Variants in ASIC2 observed in about 807,000 individuals in gnomAD.
ASIC2 encodes acid-sensing ion channel 2.
ASIC2 carries 25 observed loss-of-function variants against 57.3 expected under a neutral mutation model. The ratio of observed to expected loss-of-function variants is 0.44; its 90% CI spans 0.32 to 0.61. ASIC2 has a LOEUF of 0.61. Among genes scored for constraint, ASIC2 ranks in the 20% least tolerant of loss-of-function variants. The pLI, the probability that ASIC2 is intolerant of heterozygous loss-of-function variation, is 0.06. For synonymous variants in ASIC2, 319 were observed against 307.5 expected (o/e 1.04, Z -0.39); for missense variants, 641 against 738.1 (o/e 0.87, Z 1.52).
chr17:33,661,179 C>T (rs1207684833), intron 1 of ASIC2, among the ~76,000 whole-genome samples: 1 of 152,178 alleles, frequency 6.6e-6, no homozygotes. Context: ...TGGTGCTGAG[C>T]CACATTTAGC....
At chr17:33,864,201 C>G (rs2141926038) in intron 1 of ASIC2, among the ~76,000 whole-genome samples, 1 of 152,324 alleles carries the variant, frequency 6.6e-6, no homozygotes. Flanking sequence ...GCCACCCCGC[C>G]TGGCCAGTTA....
Position 33,055,778 on chromosome 17 carries a change from T to G in ASIC2, c.988-27386A>C, listed in dbSNP as rs151167313. ...TGAGCCTTTCTGCCCTTGGCCTCTC[T>G]TCACGGGAATCATAAGAAAAGCGAC... is the stretch of plus-strand genomic sequence containing the variant. On this transcript the variant is annotated intron_variant, in intron 3 of 9. Coordinates refer to ENST00000225823, the MANE Select transcript of ASIC2 (RefSeq NM_183377.2). Among the ~76,000 whole-genome samples the G allele has an allele frequency of 1.5e-3, 232 of 152,294 alleles. 2 individuals carry two copies. Among genetic ancestry groups the G allele is most frequent in the African/African-American group, 5.3e-3 (222 of 41,560 alleles).
chr17:33,418,696 T>G (rs1025672017), intron 1 of ASIC2, among the ~76,000 whole-genome samples: 1 of 152,198 alleles, frequency 6.6e-6, no homozygotes, highest in African/African-American at 2.4e-5. Context: ...TAGTTATTTC[T>G]GAGGCCTCTG....
intron 1 of ASIC2, among the ~76,000 whole-genome samples, chr17:33,559,593 C>T: frequency 6.6e-6 from 1 of 152,142 alleles, no homozygotes; most frequent in Admixed American, 6.5e-5. Flanking sequence ...TAGCATAGTG[C>T]CAGTGTCTCC....
At chr17:33,417,204 G>A (rs1910875652) in intron 1 of ASIC2, among the ~76,000 whole-genome samples, 1 of 152,130 alleles carries the variant, frequency 6.6e-6, no homozygotes, top group Non-Finnish European at 1.5e-5. Flanking sequence ...TCTTAGGCAG[G>A]AAGGGACATT....
At chr17:34,103,556 T>A (rs911400797) in intron 1 of ASIC2, among the ~76,000 whole-genome samples, 1 of 152,224 alleles carries the variant, frequency 6.6e-6, no homozygotes, top group Non-Finnish European at 1.5e-5. Flanking sequence ...TAAACATATT[T>A]CCCTGTTTTT....
intron 1 of ASIC2, among the ~76,000 whole-genome samples, chr17:33,762,070 G>A (rs935138312): frequency 6.6e-6 from 1 of 152,110 alleles, no homozygotes; most frequent in African/African-American, 2.4e-5. Flanking sequence ...AGAAATGAGT[G>A]GGCCATTTGA....
At chr17:33,490,233 G>T (rs956719328) in intron 1 of ASIC2, among the ~76,000 whole-genome samples, 2 of 152,144 alleles carry the variant, frequency 1.3e-5, no homozygotes, top group African/African-American at 4.8e-5. Context: ...TTTACTATCT[G>T]GCTCATTACT....
intron 1 of ASIC2, among the ~76,000 whole-genome samples, chr17:33,408,259 T>C (rs1910536017): frequency 6.6e-6 from 1 of 152,210 alleles, no homozygotes; most frequent in Non-Finnish European, 1.5e-5. Flanking sequence ...CCTTTTCTGT[T>C]CTGATTTTCA....
intron 1 of ASIC2, among the ~76,000 whole-genome samples, chr17:33,586,730 T>G (rs981508216): frequency 6.6e-6 from 1 of 152,226 alleles, no homozygotes; most frequent in African/African-American, 2.4e-5. Context: ...TAGACCTGCC[T>G]TCTCTCCCAA....
At chr17:33,151,175 A>G (rs1358871548) in intron 1 of ASIC2, among the ~76,000 whole-genome samples, 3 of 115,018 alleles carry the variant, frequency 2.6e-5, no homozygotes, top group Admixed American at 7.8e-5. Flanking sequence ...AAACACACAC[A>G]CACACGCACA....
intron 1 of ASIC2, chr17:34,037,174 T>C (rs1180196232): frequency 6.5e-6 from 1 of 154,372 alleles, no homozygotes; most frequent in East Asian, 1.9e-4. Context: ...GCTACAAGCT[T>C]TTCAGGAGAT....
chr17:33,851,138 G>A (rs1036662622), intron 1 of ASIC2, among the ~76,000 whole-genome samples: 1 of 152,220 alleles, frequency 6.6e-6, no homozygotes, highest in African/African-American at 2.4e-5. Flanking sequence ...TTCTCTTCCA[G>A]TTTAAAGACT....
At chr17:33,641,407 T>G (rs1205492333) in intron 1 of ASIC2, among the ~76,000 whole-genome samples, 1 of 152,160 alleles carries the variant, frequency 6.6e-6, no homozygotes, top group African/African-American at 2.4e-5. Flanking sequence ...TACACACCCC[T>G]GAGTAATAAT....
chr17:33,236,812 A>G (rs185730965), intron 1 of ASIC2, among the ~76,000 whole-genome samples: 1 of 152,260 alleles, frequency 6.6e-6, no homozygotes, highest in African/African-American at 2.4e-5. Flanking sequence ...AATTGCAGTT[A>G]TACTGCCTTG....
intron 1 of ASIC2, among the ~76,000 whole-genome samples, chr17:33,318,456 G>C (rs1223202946): frequency 6.6e-6 from 1 of 152,132 alleles, no homozygotes; most frequent in East Asian, 1.9e-4. Flanking sequence ...CCTAGAAATT[G>C]ATGACAGTAA....
intron 1 of ASIC2, among the ~76,000 whole-genome samples, chr17:33,636,345 T>G (rs1359190108): frequency 6.6e-6 from 1 of 152,192 alleles, no homozygotes; most frequent in Non-Finnish European, 1.5e-5. Flanking sequence ...TTCTTGCTTC[T>G]CCTGTCCTAA....
intron 1 of ASIC2, among the ~76,000 whole-genome samples, chr17:33,706,659 T>G (rs989792311): frequency 1.3e-5 from 2 of 152,206 alleles, no homozygotes; most frequent in Non-Finnish European, 2.9e-5. Flanking sequence ...CCTCAAGTTT[T>G]TCTTTGCCCA....
At chr17:33,707,938 A>G (rs1238091435) in intron 1 of ASIC2, among the ~76,000 whole-genome samples, 1 of 152,186 alleles carries the variant, frequency 6.6e-6, no homozygotes, top group Admixed American at 6.5e-5. Flanking sequence ...GTAAAGGGCT[A>G]GAGGACTTCT....
Sources: gnomAD v4.1 joint callset for allele counts (sites outside exome capture counted in the v4.1 genomes callset) on GRCh38, gnomAD v4.1.1 for gene constraint, MANE v1.5 for transcripts, NCBI Gene and HGNC (gene_info 2026-07-23, HGNC 2026-07-21) for gene names.